IMMP2L: variants seen among roughly 807,000 people sequenced by gnomAD.
IMMP2L encodes the protein inner mitochondrial membrane peptidase subunit 2, also known as mitochondrial inner membrane protease subunit 2.
IMMP2L carries 18 observed loss-of-function variants against 19.3 expected under a neutral mutation model. The observed-to-expected ratio is 0.93, with a 90% confidence interval of 0.64 to 1.38. The LOEUF (loss-of-function observed/expected upper bound fraction) is 1.38. IMMP2L is among the 40% of genes most tolerant of loss of function. The pLI, the probability that IMMP2L is intolerant of heterozygous loss-of-function variation, is 0.00. For synonymous variants in IMMP2L, 76 were observed against 73.0 expected, an observed-to-expected ratio of 1.04 and a Z score of -0.21; for missense variants, 233 against 218.2, an observed-to-expected ratio of 1.07 and a Z score of -0.43.
intron 4 of IMMP2L, among the ~76,000 whole-genome samples, chr7:110,943,824 G>C (rs1229356113): frequency 6.6e-6 from 1 of 151,882 alleles, no homozygotes; most frequent in South Asian, 2.1e-4. Context: ...TGCTATGCAG[G>C]GACAATCCCT....
In IMMP2L at chr7:110,727,008, C is replaced by T. The variant is rs903074744; in HGVS notation, c.409-63287G>A. Among the ~76,000 whole-genome samples the T allele has an allele frequency of 6.6e-6, 1 of 152,188 alleles. No homozygotes were observed. Among genetic ancestry groups the T allele is most frequent in the African/African-American group, 2.4e-5 (1 of 41,446 alleles). ...CAGGAGGGACCATTGGCTTTATTAG[C>T]AAGAATGGAAATGCTTCCTTAGGCA... On this transcript the variant is annotated intron_variant, in intron 5 of 5. Coordinates refer to ENST00000405709, the MANE Select transcript of IMMP2L (RefSeq NM_032549.4). This position sits in a 1 kb window ranked among gnomAD's most constrained non-coding sequence, Gnocchi z 4.3.
intron 3 of IMMP2L, among the ~76,000 whole-genome samples, chr7:111,212,793 T>C (rs1811471231): frequency 6.6e-6 from 1 of 152,192 alleles, no homozygotes. Context: ...TAAAGGATAA[T>C]AACATGTTAG....
intron 3 of IMMP2L, among the ~76,000 whole-genome samples, chr7:111,481,242 G>C (rs544457611): frequency 6.6e-6 from 1 of 152,118 alleles, no homozygotes; most frequent in African/African-American, 2.4e-5. Context: ...AGAAATGGGA[G>C]TAAAATAAGA....
At chr7:111,087,408 C>T (rs1396716591) in intron 3 of IMMP2L, among the ~76,000 whole-genome samples, 2 of 148,702 alleles carry the variant, frequency 1.3e-5, no homozygotes, top group Non-Finnish European at 3.0e-5. Context: ...GAGATCGTGC[C>T]ACTGCACTCC....
At chr7:111,316,843 T>C (rs886553378) in intron 3 of IMMP2L, among the ~76,000 whole-genome samples, 2 of 142,012 alleles carry the variant, frequency 1.4e-5, no homozygotes, top group African/African-American at 2.6e-5. Flanking sequence ...CCTTTTTTTT[T>C]TCTTTTTTTT....
chr7:111,549,936 G>A (rs1239193072), intron 1 of IMMP2L, among the ~76,000 whole-genome samples: 1 of 142,088 alleles, frequency 7.0e-6, no homozygotes, highest in East Asian at 2.0e-4. Flanking sequence ...GCGAGACTCC[G>A]TGTCAAAAAA....
chr7:110,879,444 T>G (rs567911316), intron 5 of IMMP2L, among the ~76,000 whole-genome samples: 12 of 152,066 alleles, frequency 7.9e-5, no homozygotes, highest in African/African-American at 2.6e-4. Context: ...TAAAGCATAA[T>G]GTAATGAACA....
At chr7:111,470,773 C>T (rs1165395171) in intron 3 of IMMP2L, among the ~76,000 whole-genome samples, 1 of 149,010 alleles carries the variant, frequency 6.7e-6, no homozygotes, top group African/African-American at 2.5e-5. Context: ...ATACCTAATG[C>T]TAAATGACGA....
intron 3 of IMMP2L, among the ~76,000 whole-genome samples, chr7:111,416,370 T>C (rs1834956602): frequency 6.6e-6 from 1 of 151,864 alleles, no homozygotes; most frequent in Non-Finnish European, 1.5e-5. Flanking sequence ...TGTTTTTCTA[T>C]CAATTAAATA....
chr7:111,136,929 T>C (rs896333921), intron 3 of IMMP2L, among the ~76,000 whole-genome samples: 10 of 152,140 alleles, frequency 6.6e-5, no homozygotes, highest in African/African-American at 2.4e-4. Context: ...TTTTTACAGG[T>C]GGTAGTGACA....
At chr7:110,927,558 G>A (rs749571785) in intron 4 of IMMP2L, among the ~76,000 whole-genome samples, 28 of 152,074 alleles carry the variant, frequency 1.8e-4, no homozygotes, top group Admixed American at 3.3e-4. Flanking sequence ...GAATGGTCAA[G>A]GAGATGGAAT....
chr7:111,212,038 TC>T (rs1375867548), intron 3 of IMMP2L, among the ~76,000 whole-genome samples: 1 of 152,092 alleles, frequency 6.6e-6, no homozygotes, highest in Non-Finnish European at 1.5e-5. Flanking sequence ...TTAATGTTGC[TC>T]TTCTCTTTCT....
At chr7:111,029,487 T>G (rs1276119890) in intron 3 of IMMP2L, among the ~76,000 whole-genome samples, 1 of 152,194 alleles carries the variant, frequency 6.6e-6, no homozygotes, top group Non-Finnish European at 1.5e-5. Context: ...GCTATTTCTT[T>G]GCATCAGGTG....
chr7:111,268,800 C>T (rs1482131972), intron 3 of IMMP2L, among the ~76,000 whole-genome samples: 1 of 151,624 alleles, frequency 6.6e-6, no homozygotes, highest in Non-Finnish European at 1.5e-5. Flanking sequence ...CAACCTCACC[C>T]TGTTGCCCTA....
chr7:111,223,074 T>A (rs1050081270), intron 3 of IMMP2L, among the ~76,000 whole-genome samples: 27 of 151,838 alleles, frequency 1.8e-4, no homozygotes, highest in Admixed American at 5.3e-4. Flanking sequence ...TGACATAGAA[T>A]GATACCAAAT....
intron 5 of IMMP2L, among the ~76,000 whole-genome samples, chr7:110,790,763 T>C (rs1427356340): frequency 6.6e-6 from 1 of 151,758 alleles, no homozygotes; most frequent in Non-Finnish European, 1.5e-5. Context: ...CAATGTTCAA[T>C]TGTACTATGG....
At chr7:111,026,868 T>C (rs747281395) in intron 3 of IMMP2L, among the ~76,000 whole-genome samples, 24 of 152,164 alleles carry the variant, frequency 1.6e-4, no homozygotes, top group Non-Finnish European at 2.6e-4. Context: ...TAGATAATGC[T>C]GGTTTTTTAT....
chr7:111,160,326 C>G (rs6466373), intron 3 of IMMP2L, among the ~76,000 whole-genome samples: 107,006 of 151,910 alleles, frequency 0.7, 40,188 homozygotes, highest in East Asian at 0.83. Context: ...GGATAAATCC[C>G]ACTAACAAAC....
Position 111,192,037 on chromosome 7 carries a change from A to G in IMMP2L, c.240-228472T>C, listed in dbSNP as rs371489035. 2.1e-3 allele frequency among the ~76,000 whole-genome samples: 322 copies of G among 152,232 alleles called. 3 individuals are homozygous for G. The highest frequency in any genetic ancestry group is 7.3e-3 in the African/African-American group (303 of 41,530). ...GAGCAAACAGAAGTCGCACTGGCAC[A>G]GAGCAACCTTATGGTTGACACCTTT... is the stretch of plus-strand genomic sequence containing the variant. On this transcript the variant is annotated intron_variant, in intron 3 of 5. Transcript: ENST00000405709.
Sources: allele counts gnomAD v4.1 joint callset (sites outside exome capture counted in the v4.1 genomes callset), GRCh38; gene constraint gnomAD v4.1.1; non-coding constraint Gnocchi (gnomAD v3.1); transcripts MANE v1.5; gene names NCBI Gene and HGNC (gene_info 2026-07-23, HGNC 2026-07-21).